HMGN3: variants seen among roughly 807,000 people sequenced by gnomAD.
The protein encoded by HMGN3 is high mobility group nucleosomal binding domain 3, also known as high mobility group nucleosome-binding domain-containing protein 3.
Under a neutral mutation model 18.8 loss-of-function variants are expected in HMGN3, and 6 were observed. That is an observed-to-expected ratio of 0.32 (90% CI 0.18 to 0.63). The LOEUF is 0.63. HMGN3 is among the 30% of genes least tolerant of loss of function. The pLI is 0.79. For synonymous variants in HMGN3, 40 were observed against 36.5 expected (o/e 1.10, Z -0.35); for missense variants, 107 against 114.2 (o/e 0.94, Z 0.29).
At chr6:79,203,698 C>A (rs528193132) in intron 3 of HMGN3, 68 bp from the exon 4 acceptor site, 31 of 1,199,546 alleles carry the variant, frequency 2.6e-5, no homozygotes, top group Middle Eastern at 4.1e-4. Flanking sequence ...AAAAGAAACA[C>A]AAAAGGACTA....
intron 1 of HMGN3, 56 bp downstream of exon 1, chr6:79,234,490 C>T (rs1778046630): frequency 6.4e-7 from 1 of 1,569,776 alleles, no homozygotes; most frequent in Non-Finnish European, 8.8e-7. Context: ...GCAATGCCAG[C>T]ATTTACTGTA....
At chr6:79,215,334 G>A (rs1348337298) in intron 1 of HMGN3, among the ~76,000 whole-genome samples, 1 of 152,202 alleles carries the variant, frequency 6.6e-6, no homozygotes, top group Non-Finnish European at 1.5e-5. Context: ...AAGAACAGGG[G>A]CCAGAGGTCA....
chr6:79,204,074 G>A (rs1374928368), intron 3 of HMGN3, among the ~76,000 whole-genome samples: 2 of 152,218 alleles, frequency 1.3e-5, no homozygotes, highest in Non-Finnish European at 2.9e-5. Context: ...AATGAAGACT[G>A]CTGCCTGTGA....
intron 3 of HMGN3, among the ~76,000 whole-genome samples, chr6:79,206,389 C>T (rs1483455502): frequency 7.2e-5 from 11 of 152,256 alleles, no homozygotes; most frequent in Non-Finnish European, 1.5e-4. Context: ...GACTTGGTGC[C>T]CTGTCTCCCA....
At chr6:79,212,333 T>C (rs1776735052) in intron 2 of HMGN3, among the ~76,000 whole-genome samples, 1 of 152,196 alleles carries the variant, frequency 6.6e-6, no homozygotes, top group African/African-American at 2.4e-5. Context: ...TGTCAATCTG[T>C]CCTCAAAAAT....
chr6:79,234,569 T>G (rs780248718), exon 1 of HMGN3: 2 of 1,612,116 alleles, frequency 1.2e-6, no homozygotes, highest in Non-Finnish European at 1.7e-6. Flanking sequence ...ATAATGACTA[T>G]GTCGGTGAAG....
intron 1 of HMGN3, among the ~76,000 whole-genome samples, chr6:79,217,991 T>C (rs1392292915): frequency 6.6e-6 from 1 of 152,218 alleles, no homozygotes; most frequent in African/African-American, 2.4e-5. Flanking sequence ...AGGCTTACAC[T>C]AATCCAGTTT....
chr6:79,215,910 G>A (rs183770435), intron 1 of HMGN3, among the ~76,000 whole-genome samples: 30 of 152,136 alleles, frequency 2.0e-4, no homozygotes, highest in Admixed American at 1.6e-3. Flanking sequence ...AGTCTCTATG[G>A]CACAAATAGG....
chr6:79,211,923 G>T (rs1033048609), intron 2 of HMGN3, among the ~76,000 whole-genome samples: 2 of 151,954 alleles, frequency 1.3e-5, no homozygotes, highest in African/African-American at 4.8e-5. Context: ...GATACTGCTT[G>T]AAACACATGG....
chr6:79,202,150 G>A (rs1776168772), intron 5 of HMGN3: 1 of 1,581,218 alleles, frequency 6.3e-7, no homozygotes, highest in African/African-American at 1.3e-5. Flanking sequence ...AGCGAGAGAT[G>A]TGGATCTGCA....
intron 2 of HMGN3, among the ~76,000 whole-genome samples, chr6:79,210,654 C>T (rs1323637393): frequency 1.3e-5 from 2 of 152,086 alleles, no homozygotes; most frequent in Admixed American, 1.3e-4. Flanking sequence ...AGTCCTAGAG[C>T]CACTACTCAG....
At chr6:79,224,241 A>G in intron 1 of HMGN3, among the ~76,000 whole-genome samples, 1 of 152,154 alleles carries the variant, frequency 6.6e-6, no homozygotes. Flanking sequence ...GGCTGGCTCA[A>G]AGTTCATACT....
At position 79,202,211 on chromosome 6, in the gene HMGN3, T is replaced by A. The variant is rs770690416; in HGVS notation, c.261+65A>T. On this transcript the variant is annotated intron_variant, in intron 5 of 5. Transcript: ENST00000344726. ...ACATTAAGAACGTGCTATCACCGGC[T>A]GAAGGATTGAGAAATTTCTTTAAAG... 10 of 1,612,032 alleles carry A rather than the reference T, an allele frequency of 6.2e-6. No individual in the cohort carries two copies. In the South Asian group the frequency reaches 8.8e-5, roughly 14 times the overall value.
intron 1 of HMGN3, among the ~76,000 whole-genome samples, chr6:79,226,542 G>A (rs138529357): frequency 2.0e-5 from 3 of 151,970 alleles, no homozygotes; most frequent in Admixed American, 1.3e-4. Context: ...TACTTCTCTC[G>A]CATTTATTTC....
intron 1 of HMGN3, among the ~76,000 whole-genome samples, chr6:79,224,391 T>C (rs1777456841): frequency 2.0e-5 from 3 of 152,194 alleles, no homozygotes; most frequent in Admixed American, 2.0e-4. Context: ...AAAGAACAAA[T>C]GATATGTAAA....
chr6:79,201,394 G>A, exon 6 of HMGN3: 1 of 329,368 alleles, frequency 3.0e-6, no homozygotes, highest in Non-Finnish European at 5.5e-6. Context: ...ATTCAAATAT[G>A]CACAGTAAAA....
At chr6:79,208,444 A>C (rs1582406241) in intron 3 of HMGN3, 103 bp downstream of exon 3, 1 of 1,009,398 alleles carries the variant, frequency 9.9e-7, no homozygotes, top group East Asian at 2.4e-5. Context: ...AAAGAAAATA[A>C]GCTCATGGGA....
intron 2 of HMGN3, among the ~76,000 whole-genome samples, chr6:79,213,323 T>C (rs906823354): frequency 6.6e-6 from 1 of 152,172 alleles, no homozygotes; most frequent in Non-Finnish European, 1.5e-5. Flanking sequence ...CCTTTATATA[T>C]ACATTCTCAC....
chr6:79,215,215 A>G (rs184897691), intron 1 of HMGN3, among the ~76,000 whole-genome samples, 193 bp from the exon 2 acceptor site: 95 of 152,346 alleles, frequency 6.2e-4, no homozygotes, highest in African/African-American at 2.0e-3. Context: ...AGATAGCTGC[A>G]TAACTGCTCG....
Sources: allele counts gnomAD v4.1 joint callset (sites outside exome capture counted in the v4.1 genomes callset), GRCh38; gene constraint gnomAD v4.1.1; transcripts MANE v1.5; gene names NCBI Gene and HGNC (gene_info 2026-07-23, HGNC 2026-07-21).